NKAIN2: variants seen among roughly 807,000 people sequenced by gnomAD.
NKAIN2 encodes the protein sodium/potassium-transporting ATPase subunit beta-1-interacting protein 2.
In NKAIN2, 14 loss-of-function variants were observed where a neutral mutation model predicts 32.6. That is an observed-to-expected ratio of 0.43 (90% CI 0.28 to 0.67). NKAIN2 has a LOEUF of 0.67. Ranked by LOEUF, NKAIN2 falls within the 30% of genes least tolerant of loss-of-function variation. NKAIN2 has a pLI of 0.17. For missense variants in NKAIN2, 198 were observed against 258.3 expected, an observed-to-expected ratio of 0.77 and a Z score of 1.60; for synonymous variants, 80 against 87.2, an observed-to-expected ratio of 0.92 and a Z score of 0.46.
At position 123,976,402 on chromosome 6, in the gene NKAIN2, T is replaced by TTCCC. The variant is rs1190690033; in HGVS notation, c.54+172148_54+172149insTCCC. On this transcript the variant is annotated intron_variant, in intron 1 of 6. Coordinates refer to ENST00000368417, the MANE Select transcript of NKAIN2 (RefSeq NM_001040214.3). ...ATATATATATATATATATATATATA[T>TTCCC]ATATATATATATATGGAAAGAGAGA... is the stretch of plus-strand genomic sequence containing the variant. Among the ~76,000 whole-genome samples, 8 of 62,084 alleles carry TTCCC rather than the reference T, an allele frequency of 1.3e-4. 1 individual carries two copies. Among genetic ancestry groups the TTCCC allele is most frequent in the Non-Finnish European group, 1.9e-4 (6 of 31,356 alleles). 40.7% of individuals were successfully genotyped at this position (62,084 alleles called of 152,430 possible). A position where few individuals can be genotyped will look rare whatever the true frequency, so the allele number is the denominator to read the frequency against.
intron 1 of NKAIN2, among the ~76,000 whole-genome samples, chr6:124,020,637 T>C (rs370043922): frequency 6.9e-6 from 1 of 144,492 alleles, no homozygotes; most frequent in Non-Finnish European, 1.5e-5. Context: ...TTTAAAAACA[T>C]ATAAAATTTA....
intron 1 of NKAIN2, among the ~76,000 whole-genome samples, chr6:123,956,598 T>G (rs112694422): frequency 1.6e-4 from 25 of 152,310 alleles, no homozygotes; most frequent in African/African-American, 6.0e-4. Context: ...TTTCTGCATT[T>G]AAGCCACCCC....
chr6:124,037,566 A>T (rs933230994), intron 1 of NKAIN2, among the ~76,000 whole-genome samples: 6 of 152,130 alleles, frequency 3.9e-5, no homozygotes, highest in African/African-American at 1.4e-4. Flanking sequence ...TCGGTCATGG[A>T]ATCAAATTGG....
At chr6:124,145,782 G>A (rs749754906) in intron 1 of NKAIN2, among the ~76,000 whole-genome samples, 1 of 152,068 alleles carries the variant, frequency 6.6e-6, no homozygotes, top group Non-Finnish European at 1.5e-5. Context: ...TGGGATTACC[G>A]GCGTGGACCA....
At chr6:124,297,112 A>G (rs73773722) in intron 2 of NKAIN2, among the ~76,000 whole-genome samples, 176 of 152,294 alleles carry the variant, frequency 1.2e-3, no homozygotes, top group Non-Finnish European at 1.9e-3. Context: ...ATGTCATAAA[A>G]TTATGAAAAC....
At chr6:124,439,008 A>G (rs192243555) in intron 3 of NKAIN2, among the ~76,000 whole-genome samples, 2 of 152,250 alleles carry the variant, frequency 1.3e-5, no homozygotes, top group African/African-American at 4.8e-5. Context: ...ATTACCGCTT[A>G]TTAATCTATT....
intron 1 of NKAIN2, among the ~76,000 whole-genome samples, chr6:123,935,312 G>GTT (rs1776449659): frequency 1.3e-5 from 2 of 151,376 alleles, no homozygotes; most frequent in South Asian, 4.1e-4. Context: ...TGGTATCCAA[G>GTT]TGTTTGGCTT....
rs575902638 is a variant in NKAIN2, at chr6:124,024,260, G to A, written c.54+220006G>A. Among the ~76,000 whole-genome samples the A allele has an allele frequency of 3.9e-5, 6 of 152,124 alleles. No individual in the cohort carries two copies. In the South Asian group the frequency reaches 6.2e-4, roughly 16 times the overall value. Reference sequence around the variant, plus strand: ...ATGAACACATATACCTATCAGGTTAGCCCTCAGAATGTTTAGTGGACATAA... The same window carrying A: ...ATGAACACATATACCTATCAGGTTAACCCTCAGAATGTTTAGTGGACATAA... On this transcript the variant is annotated intron_variant, in intron 1 of 6. Transcript: ENST00000368417.
intron 3 of NKAIN2, among the ~76,000 whole-genome samples, chr6:124,499,544 C>G (rs1029814292): frequency 2.0e-5 from 3 of 152,132 alleles, no homozygotes; most frequent in Non-Finnish European, 4.4e-5. Context: ...TCAGCTCACA[C>G]CTATTAGAGC....
intron 3 of NKAIN2, among the ~76,000 whole-genome samples, chr6:124,441,447 T>A (rs1775683405): frequency 6.6e-6 from 1 of 152,070 alleles, no homozygotes; most frequent in Middle Eastern, 3.2e-3. Context: ...AGGAGTGAAG[T>A]TACGTGACTT....
intron 1 of NKAIN2, among the ~76,000 whole-genome samples, chr6:124,167,462 A>G (rs1017749205): frequency 3.9e-5 from 6 of 152,218 alleles, no homozygotes; most frequent in Non-Finnish European, 7.3e-5. Context: ...TGTCATCTGC[A>G]AACAGGGACA....
intron 3 of NKAIN2, among the ~76,000 whole-genome samples, chr6:124,499,219 C>G (rs1778188320): frequency 6.6e-6 from 1 of 152,080 alleles, no homozygotes; most frequent in South Asian, 2.1e-4. Context: ...TTTCCAAACT[C>G]TTTTTGAATT....
At chr6:123,843,752 G>A (rs895565053) in intron 1 of NKAIN2, among the ~76,000 whole-genome samples, 2 of 152,214 alleles carry the variant, frequency 1.3e-5, no homozygotes, top group Non-Finnish European at 2.9e-5. Context: ...GGGGTTTGGG[G>A]CTTCTGACGG....
At chr6:124,701,138 TACACACACACACACGCACAC>T (rs1413374631) in intron 4 of NKAIN2, among the ~76,000 whole-genome samples, 2 of 118,942 alleles carry the variant, frequency 1.7e-5, no homozygotes, top group East Asian at 2.4e-4. Flanking sequence ...AGGAGAGAGA[TACACACACACACACGCACAC>T]ACACACACAC....
At chr6:124,499,881 G>T (rs889392047) in intron 3 of NKAIN2, among the ~76,000 whole-genome samples, 1 of 152,164 alleles carries the variant, frequency 6.6e-6, no homozygotes, top group Non-Finnish European at 1.5e-5. Context: ...CAGGAAAAAA[G>T]TATGCAAATA....
intron 4 of NKAIN2, among the ~76,000 whole-genome samples, chr6:124,727,130 T>A (rs1177263189): frequency 2.6e-5 from 4 of 151,920 alleles, no homozygotes; most frequent in African/African-American, 9.7e-5. Context: ...TGGAAAACAT[T>A]CTGCAGGAGA....
intron 1 of NKAIN2, among the ~76,000 whole-genome samples, chr6:124,132,949 A>G (rs1786551346): frequency 6.6e-6 from 1 of 152,172 alleles, no homozygotes; most frequent in Non-Finnish European, 1.5e-5. Context: ...GGACAAAAGA[A>G]TCTGAACAGT....
At chr6:124,548,869 G>A (rs1780187853) in intron 3 of NKAIN2, among the ~76,000 whole-genome samples, 1 of 152,164 alleles carries the variant, frequency 6.6e-6, no homozygotes, top group Admixed American at 6.6e-5. Flanking sequence ...GAGAGGTGGA[G>A]GTAGATTAGG....
intron 1 of NKAIN2, among the ~76,000 whole-genome samples, chr6:124,104,105 A>C (rs1449300047): frequency 6.6e-6 from 1 of 152,034 alleles, no homozygotes; most frequent in African/African-American, 2.4e-5. Flanking sequence ...AATAAATAAC[A>C]TAAAAACAGA....
Sources: allele counts gnomAD v4.1 joint callset (sites outside exome capture counted in the v4.1 genomes callset), GRCh38; gene constraint gnomAD v4.1.1; transcripts MANE v1.5; gene names NCBI Gene and HGNC (gene_info 2026-07-23, HGNC 2026-07-21).